CDCA7L: variants seen among roughly 807,000 people sequenced by gnomAD.
CDCA7L encodes cell division cycle associated 7 like.
Under a neutral mutation model 57.4 loss-of-function variants are expected in CDCA7L, and 44 were observed. The ratio of observed to expected loss-of-function variants is 0.77; its 90% CI spans 0.60 to 0.98. The LOEUF (loss-of-function observed/expected upper bound fraction) is 0.98. Ranked by LOEUF, CDCA7L falls within the 50% of genes least tolerant of loss-of-function variation. The pLI is 0.00. For missense variants in CDCA7L, 644 were observed against 580.6 expected (o/e 1.11, Z -1.12); for synonymous variants, 236 against 202.8 (o/e 1.16, Z -1.39).
chr7:21,903,215 C>CTTTAATCACATGGCATCTT (rs2128056015), intron 8 of CDCA7L, 101 bp from the exon 9 acceptor site: 1 of 1,130,656 alleles, frequency 8.8e-7, no homozygotes, highest in East Asian at 2.6e-5. Context: ...CTCCTCCAAC[C>CTTTAATCACATGGCATCTT]TTTAATCACA....
intron 4 of CDCA7L, 129 bp from the exon 5 acceptor site, chr7:21,906,768 A>G: frequency 1.3e-6 from 1 of 780,196 alleles, no homozygotes; most frequent in Non-Finnish European, 2.1e-6. Flanking sequence ...TATAACCCAC[A>G]ACAGTTATAC....
At chr7:21,921,560 G>C (rs551928465) in intron 1 of CDCA7L, among the ~76,000 whole-genome samples, 63 of 151,156 alleles carry the variant, frequency 4.2e-4, no homozygotes, top group African/African-American at 1.5e-3. Flanking sequence ...CGATCCACTG[G>C]GTAGCTGCAT....
At chr7:21,903,496 G>A (rs1785015081) in intron 8 of CDCA7L, among the ~76,000 whole-genome samples, 1 of 152,120 alleles carries the variant, frequency 6.6e-6, no homozygotes, top group South Asian at 2.1e-4. Context: ...ATTGTTGAAT[G>A]ACTAACCTGA....
chr7:21,944,449 C>CAACAAAAAAAA (rs1786444890), intron 1 of CDCA7L, among the ~76,000 whole-genome samples: 1 of 61,658 alleles, frequency 1.6e-5, no homozygotes, highest in African/African-American at 9.0e-5. Flanking sequence ...ACTCCGTCTC[C>CAACAAAAAAAA]AAAAAAAAAA....
intron 1 of CDCA7L, among the ~76,000 whole-genome samples, chr7:21,933,035 C>T (rs577739242): frequency 2.7e-4 from 41 of 151,412 alleles, no homozygotes; most frequent in African/African-American, 9.2e-4. Context: ...ATACTGCCAA[C>T]AAACATATGA....
At chr7:21,917,468 A>C (rs1785520620) in intron 1 of CDCA7L, among the ~76,000 whole-genome samples, 1 of 152,240 alleles carries the variant, frequency 6.6e-6, no homozygotes, top group African/African-American at 2.4e-5. Context: ...TTGATCCCAG[A>C]GAGAACAATG....
At chr7:21,903,187 G>C (rs1784996837) in intron 8 of CDCA7L, 73 bp from the exon 9 acceptor site, 1 of 1,469,928 alleles carries the variant, frequency 6.8e-7, no homozygotes, top group African/African-American at 1.4e-5. Context: ...TTCGGATCCA[G>C]AATGGCTCAG....
chr7:21,918,248 T>A (rs761119884), intron 1 of CDCA7L, among the ~76,000 whole-genome samples: 1 of 152,192 alleles, frequency 6.6e-6, no homozygotes, highest in Non-Finnish European at 1.5e-5. Context: ...TGGGAAGATA[T>A]TGTAATGAGC....
At chr7:21,927,712 C>G (rs1161022021) in intron 1 of CDCA7L, among the ~76,000 whole-genome samples, 1 of 152,172 alleles carries the variant, frequency 6.6e-6, no homozygotes, top group East Asian at 1.9e-4. Flanking sequence ...GGAAGAGGTC[C>G]TTTCAAAGAC....
chr7:21,903,710 C>T (rs139934953), intron 8 of CDCA7L: 138 of 134,798 alleles, frequency 1.0e-3, no homozygotes, highest in African/African-American at 3.4e-3. Context: ...ACAGAGTGAG[C>T]GACAGCTTGC....
intron 4 of CDCA7L, among the ~76,000 whole-genome samples, chr7:21,907,210 A>T (rs1190894658): frequency 6.6e-6 from 1 of 152,222 alleles, no homozygotes; most frequent in Non-Finnish European, 1.5e-5. Flanking sequence ...ATACAATTAT[A>T]TGAGTGCCAC....
intron 8 of CDCA7L, among the ~76,000 whole-genome samples, chr7:21,903,427 A>G (rs1785011087): frequency 6.6e-6 from 1 of 152,184 alleles, no homozygotes; most frequent in Non-Finnish European, 1.5e-5. Flanking sequence ...GCCCTGGTTT[A>G]GGAGCACAAG....
chr7:21,934,173 T>A (rs750499202), intron 1 of CDCA7L, among the ~76,000 whole-genome samples: 14 of 152,184 alleles, frequency 9.2e-5, no homozygotes, highest in Non-Finnish European at 2.1e-4. Context: ...TATTGTAAAT[T>A]TGGCTTATAA....
At chr7:21,903,933 T>G in intron 8 of CDCA7L, 177 bp downstream of exon 8, 1 of 525,394 alleles carries the variant, frequency 1.9e-6, no homozygotes. Flanking sequence ...GTCAGCTTGC[T>G]CTCCTTCCAG....
intron 1 of CDCA7L, among the ~76,000 whole-genome samples, chr7:21,919,720 C>G (rs1785594643): frequency 6.6e-6 from 1 of 152,068 alleles, no homozygotes; most frequent in Non-Finnish European, 1.5e-5. Context: ...CCTCGATTCC[C>G]AAAATTTTTA....
intron 2 of CDCA7L, among the ~76,000 whole-genome samples, chr7:21,915,996 C>T (rs1785470854): frequency 6.6e-6 from 1 of 152,072 alleles, no homozygotes; most frequent in Non-Finnish European, 1.5e-5. Flanking sequence ...AGCACAGCTC[C>T]CACCAGGCCA....
chr7:21,914,002 T>A (rs982977790), intron 2 of CDCA7L, among the ~76,000 whole-genome samples: 4 of 152,260 alleles, frequency 2.6e-5, no homozygotes, highest in Non-Finnish European at 5.9e-5. Flanking sequence ...CACTGGTTCA[T>A]TCATCTTCAA....
intron 1 of CDCA7L, among the ~76,000 whole-genome samples, chr7:21,927,271 C>G (rs934280752): frequency 7.2e-5 from 11 of 151,988 alleles, no homozygotes; most frequent in African/African-American, 2.7e-4. Flanking sequence ...GCACAAAGAA[C>G]TAACGTGAAT....
Position 21,908,348 on chromosome 7 carries a change from T to G in CDCA7L, c.463A>C (p.Asn155His). The G allele has an allele frequency of 6.2e-7, 1 of 1,609,904 alleles. No individual in the cohort carries two copies. Among genetic ancestry groups the G allele is most frequent in the Non-Finnish European group, 8.5e-7 (1 of 1,178,962 alleles). Residue 155 changes from asparagine (N) to histidine (H), a missense_variant, in exon 4 of 10, where the codon AAC becomes CAC. Physicochemically the swap from Asn to His is moderately conservative, Grantham distance 68 (BLOSUM62 1). Transcript: ENST00000406877. The stretch of plus-strand genomic sequence containing the variant: ...GAAGAACTGTTTTTATCTGGTTTGT[T>G]GGCCAGCTTCTTGGTGGGGAACTGA... ...AFQFPTKKLA[N>H]KPDKNSSSEQ...
Sources: gnomAD v4.1 joint callset for allele counts (sites outside exome capture counted in the v4.1 genomes callset) on GRCh38, gnomAD v4.1.1 for gene constraint, MANE v1.5 for transcripts, NCBI Gene and HGNC (gene_info 2026-07-23, HGNC 2026-07-21) for gene names.